FSTL4: variants seen among roughly 807,000 people sequenced by gnomAD.
FSTL4 encodes follistatin-related protein 4.
In FSTL4, 28 loss-of-function variants were observed where a neutral mutation model predicts 78.2. The observed-to-expected ratio is 0.36, with a 90% CI of 0.27 to 0.49. The LOEUF (loss-of-function observed/expected upper bound fraction) is 0.49, where lower values mean the gene tolerates loss of function less well. FSTL4 is among the 20% of genes least tolerant of loss of function. The probability of loss-of-function intolerance (pLI) is 0.98; values close to 1 mark genes in which losing one functional copy is unlikely to be tolerated. For synonymous variants in FSTL4, 422 were observed against 440.5 expected, an observed-to-expected ratio of 0.96 and a Z score of 0.53; for missense variants, 922 against 1,084.9, an observed-to-expected ratio of 0.85 and a Z score of 2.11.
chr5:133,365,787 C>A (rs1755170339), intron 4 of FSTL4, among the ~76,000 whole-genome samples: 2 of 152,238 alleles, frequency 1.3e-5, no homozygotes, highest in African/African-American at 4.8e-5. Flanking sequence ...TCAACATGTG[C>A]TGAAGAGGGA....
the FSTL4 span, among the ~76,000 whole-genome samples, chr5:133,617,751 G>C: frequency 6.6e-6 from 1 of 152,190 alleles, no homozygotes; most frequent in African/African-American, 2.4e-5. Flanking sequence ...CAGACTGATA[G>C]AAGTAACTGG....
At chr5:133,616,310 AATCTATCTATCT>A (rs374635447), upstream of FSTL4, among the ~76,000 whole-genome samples, 360 of 147,278 alleles carry the variant, frequency 2.4e-3, 1 homozygote, top group African/African-American at 8.2e-3. Context: ...TGAAAATCTA[AATCTATCTATCT>A]ATCTATCTAT....
chr5:133,512,169 C>T (rs946462417), intron 3 of FSTL4, among the ~76,000 whole-genome samples: 4 of 152,164 alleles, frequency 2.6e-5, no homozygotes, highest in Non-Finnish European at 4.4e-5. Context: ...CACCCTGCCT[C>T]GCCACAGCGT....
chr5:133,347,244 G>A (rs907877909), intron 4 of FSTL4, among the ~76,000 whole-genome samples: 4 of 152,142 alleles, frequency 2.6e-5, no homozygotes, highest in African/African-American at 7.2e-5. Flanking sequence ...GGAGGGCTGC[G>A]TGTGAACTCC....
intron 3 of FSTL4, among the ~76,000 whole-genome samples, chr5:133,559,588 G>A (rs553433116): frequency 3.7e-4 from 57 of 152,222 alleles, no homozygotes; most frequent in Non-Finnish European, 6.8e-4. Flanking sequence ...TGACCTCTTC[G>A]ACAATGTGAC....
chr5:133,731,349 A>G, the FSTL4 span, among the ~76,000 whole-genome samples: 2 of 152,196 alleles, frequency 1.3e-5, no homozygotes, highest in African/African-American at 4.8e-5. Context: ...GTCTCAACCC[A>G]TCTATACTGC....
chr5:133,732,221 G>T, the FSTL4 span, among the ~76,000 whole-genome samples: 92 of 152,338 alleles, frequency 6.0e-4, no homozygotes, highest in Non-Finnish European at 1.0e-3. Context: ...GTTTACTAGA[G>T]TGAGAAGAAG....
At chr5:133,792,636 G>A in the FSTL4 span, among the ~76,000 whole-genome samples, 2 of 152,214 alleles carry the variant, frequency 1.3e-5, no homozygotes, top group Non-Finnish European at 2.9e-5. Flanking sequence ...TGAGGGCACC[G>A]AGGTTAGGTG....
intron 3 of FSTL4, among the ~76,000 whole-genome samples, chr5:133,475,605 G>A (rs1276831567): frequency 6.6e-6 from 1 of 152,182 alleles, no homozygotes; most frequent in African/African-American, 2.4e-5. Flanking sequence ...TTCTGCTGCT[G>A]GCAAAGTCTC....
At chr5:133,450,491 G>C (rs2127010125) in intron 3 of FSTL4, among the ~76,000 whole-genome samples, 1 of 152,340 alleles carries the variant, frequency 6.6e-6, no homozygotes, top group East Asian at 1.9e-4. Context: ...GGAGCTCTGA[G>C]AACCACCACT....
At chr5:133,643,588 TC>T in the FSTL4 span, among the ~76,000 whole-genome samples, 4 of 151,952 alleles carry the variant, frequency 2.6e-5, no homozygotes, top group Admixed American at 2.6e-4. Context: ...ACGGTGGTCC[TC>T]TGGAGTTCTT....
At chr5:133,733,018 AC>A in the FSTL4 span, among the ~76,000 whole-genome samples, 1 of 152,042 alleles carries the variant, frequency 6.6e-6, no homozygotes, top group African/African-American at 2.4e-5. Context: ...TCAAGTTCTG[AC>A]CCCCACCTAG....
At chr5:133,559,983 C>T (rs1759878225) in intron 3 of FSTL4, among the ~76,000 whole-genome samples, 1 of 152,204 alleles carries the variant, frequency 6.6e-6, no homozygotes, top group African/African-American at 2.4e-5. Context: ...GGAGAGATGA[C>T]ATAAAGCCAA....
chr5:133,537,479 C>T (rs1388341694), intron 3 of FSTL4, among the ~76,000 whole-genome samples: 2 of 152,062 alleles, frequency 1.3e-5, no homozygotes, highest in Non-Finnish European at 2.9e-5. Context: ...TATTAGTTAT[C>T]CTAGTAATGT....
the FSTL4 span, among the ~76,000 whole-genome samples, chr5:133,627,275 C>T: frequency 2.0e-5 from 3 of 151,630 alleles, no homozygotes; most frequent in Non-Finnish European, 4.4e-5. Flanking sequence ...CTCATAGTTC[C>T]ACGTGGCTGA....
chr5:133,808,293 G>A, the FSTL4 span, among the ~76,000 whole-genome samples: 4 of 152,190 alleles, frequency 2.6e-5, no homozygotes, highest in African/African-American at 7.2e-5. Flanking sequence ...TGGAGCCCTC[G>A]GGGCTAGACC....
the FSTL4 span, among the ~76,000 whole-genome samples, chr5:133,671,416 T>G: frequency 7.9e-6 from 1 of 126,360 alleles, no homozygotes; most frequent in African/African-American, 2.9e-5. Flanking sequence ...GTTATTATCC[T>G]TATTTTGTAG....
intron 6 of FSTL4, among the ~76,000 whole-genome samples, chr5:133,273,411 C>T (rs559958488): frequency 6.6e-6 from 1 of 152,192 alleles, no homozygotes; most frequent in Non-Finnish European, 1.5e-5. Flanking sequence ...TGTAACATAG[C>T]CATGTTGGAG....
At chr5:133,831,557 A>G in the FSTL4 span, among the ~76,000 whole-genome samples, 1 of 152,206 alleles carries the variant, frequency 6.6e-6, no homozygotes, top group Admixed American at 6.5e-5. Context: ...TAGCATGGCT[A>G]AGTCCAAATG....
Sources: gnomAD v4.1 joint callset for allele counts (sites outside exome capture counted in the v4.1 genomes callset) on GRCh38, gnomAD v4.1.1 for gene constraint, MANE v1.5 for transcripts, NCBI Gene and HGNC (gene_info 2026-07-23, HGNC 2026-07-21) for gene names.